The following PRR14L variants were observed in gnomAD, a reference collection of about 807,000 sequenced individuals.
PRR14L encodes protein PRR14L.
Under a neutral mutation model 155.0 loss-of-function variants are expected in PRR14L, and 80 were observed. That is an observed-to-expected ratio of 0.52 (90% CI 0.43 to 0.62). PRR14L has a LOEUF of 0.62. PRR14L is among the 20% of genes least tolerant of loss of function. The pLI, the probability that PRR14L is intolerant of heterozygous loss-of-function variation, is 0.00. For synonymous variants in PRR14L, 883 were observed against 916.0 expected (o/e 0.96, Z 0.65); for missense variants, 2,469 against 2,548.0 (o/e 0.97, Z 0.67).
At chr22:31,690,205 C>T (rs1158632294) in intron 7 of PRR14L, among the ~76,000 whole-genome samples, 4 of 152,224 alleles carry the variant, frequency 2.6e-5, no homozygotes, top group Non-Finnish European at 5.9e-5. Context: ...GCATGAGCCA[C>T]CATGCCCAGC....
intron 2 of PRR14L, among the ~76,000 whole-genome samples, chr22:31,734,342 T>C (rs2074767136): frequency 6.6e-6 from 1 of 152,236 alleles, no homozygotes; most frequent in Admixed American, 6.5e-5. Flanking sequence ...GTATTACAGA[T>C]ATAGACCCTT....
In PRR14L at chr22:31,703,722, C is replaced by T; in HGVS notation, c.5829-1G>A. ...CAAGGCAGGGAATGGAGGCTCCAGCCTAGCACCATGAAGAGAAAGAAGATA... is the reference window on the plus strand; with the variant it reads ...CAAGGCAGGGAATGGAGGCTCCAGCTTAGCACCATGAAGAGAAAGAAGATA... On this transcript the variant is annotated splice_acceptor_variant, in intron 5 of 8. Coordinates refer to ENST00000327423, the MANE Select transcript of PRR14L (RefSeq NM_173566.3). LOFTEE classifies it high-confidence loss of function. 1 of 1,539,410 alleles carries T rather than the reference C, an allele frequency of 6.5e-7. No individual in the cohort carries two copies. The highest frequency in any genetic ancestry group is 8.8e-7 in the Non-Finnish European group (1 of 1,140,752).
At position 31,716,000 on chromosome 22, in the gene PRR14L, T is replaced by C. The variant is rs2074656945; in HGVS notation, c.1839A>G (p.Ile613Met). ...FDYRPESEKVIQTSHDDIPLL... is the reference protein window; with the variant it reads ...FDYRPESEKVMQTSHDDIPLL... ...GTGGAATATCATCATGTGAGGTCTG[T>C]ATAACTTTTTCTGACTCAGGTCTGT... Residue 613 changes from isoleucine to methionine, a missense_variant, in exon 4 of 9, where the codon ATA (isoleucine) becomes ATG (methionine). Coordinates refer to ENST00000327423, the MANE Select transcript of PRR14L (RefSeq NM_173566.3). 1 of 1,551,020 alleles carries C rather than the reference T, an allele frequency of 6.4e-7. No individual in the cohort carries two copies. Among genetic ancestry groups the C allele is most frequent in the Non-Finnish European group, 8.7e-7 (1 of 1,146,924 alleles).
At chr22:31,709,320 T>C (rs1167718498) in intron 4 of PRR14L, among the ~76,000 whole-genome samples, 1 of 151,538 alleles carries the variant, frequency 6.6e-6, no homozygotes, top group African/African-American at 2.4e-5. Context: ...TGGCACGATC[T>C]TGGCTCACTG....
intron 1 of PRR14L, among the ~76,000 whole-genome samples, chr22:31,748,137 C>T (rs2074850521): frequency 6.6e-6 from 1 of 152,124 alleles, no homozygotes. Flanking sequence ...AATGACCAGG[C>T]CCTCAGAAGC....
chr22:31,733,372 T>C (rs1252733307), intron 2 of PRR14L, among the ~76,000 whole-genome samples: 1 of 62,768 alleles, frequency 1.6e-5, no homozygotes, highest in Non-Finnish European at 3.2e-5. Flanking sequence ...TGGTGCCATC[T>C]TGGCTCACTG....
At chr22:31,737,817 A>G (rs2147875768) in intron 2 of PRR14L, among the ~76,000 whole-genome samples, 1 of 152,184 alleles carries the variant, frequency 6.6e-6, no homozygotes, top group South Asian at 2.1e-4. Flanking sequence ...GTTCGAGACC[A>G]GCCTGGCCAA....
At chr22:31,727,151 C>T (rs1218197075) in intron 2 of PRR14L, among the ~76,000 whole-genome samples, 3 of 152,098 alleles carry the variant, frequency 2.0e-5, no homozygotes, top group Admixed American at 6.6e-5. Flanking sequence ...TAAGGTGCCG[C>T]TAGCTGGAGG....
At chr22:31,710,016 C>T (rs776285959) in intron 4 of PRR14L, among the ~76,000 whole-genome samples, 5 of 152,144 alleles carry the variant, frequency 3.3e-5, no homozygotes, top group Admixed American at 6.5e-5. Context: ...TCCTGGCTCA[C>T]TGCAACCTCT....
At chr22:31,740,346 A>G (rs1209841577) in intron 1 of PRR14L, among the ~76,000 whole-genome samples, 1 of 152,162 alleles carries the variant, frequency 6.6e-6, no homozygotes, top group Non-Finnish European at 1.5e-5. Flanking sequence ...CTGCCTCCAG[A>G]GTAGCTGGGA....
Position 31,701,655 on chromosome 22 carries a change from C to T in PRR14L, c.6107+1G>A. On this transcript the variant is annotated splice_donor_variant, in intron 7 of 8. Coordinates refer to ENST00000327423, the MANE Select transcript of PRR14L (RefSeq NM_173566.3). LOFTEE classifies it high-confidence loss of function. ...TAGCTTGTAACAGAGAAGGAGCTCA[C>T]CTTTTGGGTCGAGGAAGGCCCATGG... The T allele has an allele frequency of 6.3e-7, 1 of 1,596,728 alleles. No homozygotes were observed. Among genetic ancestry groups the T allele is most frequent in the Non-Finnish European group, 8.5e-7 (1 of 1,171,242 alleles).
rs2074492727 is a variant in PRR14L, at chr22:31,688,283, G to C, written c.6108-56C>G. On this transcript the variant is annotated intron_variant, in intron 7 of 8. Coordinates refer to ENST00000327423, the MANE Select transcript of PRR14L (RefSeq NM_173566.3). Reference sequence around the variant, plus strand: ...GGTTCTCTCTCTCTTTTTTTTTTCAGAGAAGGTCTTGCTCTGTTGCCCAGG... The same window carrying C: ...GGTTCTCTCTCTCTTTTTTTTTTCACAGAAGGTCTTGCTCTGTTGCCCAGG... 2.0e-6 allele frequency: 3 copies of C among 1,486,604 alleles called. No homozygotes were observed. In the South Asian group the frequency reaches 3.8e-5, roughly 19 times the overall value. 92.1% of individuals were successfully genotyped at this position (1,486,604 alleles called of 1,614,324 possible).
chr22:31,735,533 C>T (rs2074775192), intron 2 of PRR14L, among the ~76,000 whole-genome samples: 1 of 150,274 alleles, frequency 6.7e-6, no homozygotes, highest in Non-Finnish European at 1.5e-5. Flanking sequence ...TATATAAACA[C>T]ATATATACAT....
At chr22:31,736,691 T>C (rs918416446) in intron 2 of PRR14L, among the ~76,000 whole-genome samples, 12 of 152,122 alleles carry the variant, frequency 7.9e-5, no homozygotes, top group African/African-American at 2.9e-4. Flanking sequence ...CATTCATTTA[T>C]GTATTGCCTC....
rs1470074629 is a variant in PRR14L, at chr22:31,715,993, A to C, written c.1846T>G (p.Ser616Ala). ...RPESEKVIQT[S>A]HDDIPLLDEQ... ...TCTAAAAGTGGAATATCATCATGTGAGGTCTGTATAACTTTTTCTGACTCA... is the reference window on the plus strand; with the variant it reads ...TCTAAAAGTGGAATATCATCATGTGCGGTCTGTATAACTTTTTCTGACTCA... The change falls in exon 4 of 9, where the codon TCA (serine) becomes GCA (alanine). Residue 616 changes from serine (S) to alanine (A), a missense_variant. This residue lies in a region of PRR14L where 2,363 missense variants were observed against 2,371.6 expected (regional missense o/e 1.00). Transcript: ENST00000327423. The C allele has an allele frequency of 1.9e-6, 3 of 1,551,016 alleles. No homozygotes were observed. The East Asian group carries it at 7.3e-5, about 38-fold the overall frequency.
intron 1 of PRR14L, among the ~76,000 whole-genome samples, chr22:31,739,198 C>T (rs949129601): frequency 6.6e-6 from 1 of 152,180 alleles, no homozygotes; most frequent in South Asian, 2.1e-4. Context: ...GAGAATAAGA[C>T]ATGCCTAAAG....
Position 31,715,068 on chromosome 22 carries a change from T to C in PRR14L, c.2771A>G (p.His924Arg), listed in dbSNP as rs1326892083. The C allele has an allele frequency of 1.9e-6, 3 of 1,551,766 alleles. No individual in the cohort carries two copies. The highest frequency in any genetic ancestry group is 2.6e-6 in the Non-Finnish European group (3 of 1,146,884). Residue 924 changes from histidine to arginine, a missense_variant, in exon 4 of 9, where the codon CAT becomes CGT. This residue lies in a region of PRR14L where 2,363 missense variants were observed against 2,371.6 expected (regional missense o/e 1.00). Transcript: ENST00000327423. ...TVFCKYNISD[H>R]AIQELNQTVN... ...AGTCTGGTTTAGTTCTTGTATAGCA[T>C]GATCAGAGATGTTATACTTACAAAA...
chr22:31,749,149 A>G (rs774137919), intron 1 of PRR14L, among the ~76,000 whole-genome samples: 1 of 152,250 alleles, frequency 6.6e-6, no homozygotes, highest in Non-Finnish European at 1.5e-5. Context: ...TGACAATTCT[A>G]AGAAAACAGA....
At position 31,716,700 on chromosome 22, in the gene PRR14L, G is replaced by C; in HGVS notation, c.1139C>G (p.Ser380Cys). 1.3e-6 allele frequency: 2 copies of C among 1,551,682 alleles called. No individual in the cohort carries two copies. Among genetic ancestry groups the C allele is most frequent in the Non-Finnish European group, 1.7e-6 (2 of 1,147,008 alleles). Residue 380 changes from serine to cysteine, a missense_variant, in exon 4 of 9, where the codon TCT (serine) becomes TGT (cysteine). Coordinates refer to ENST00000327423, the MANE Select transcript of PRR14L (RefSeq NM_173566.3). The stretch of plus-strand genomic sequence containing the variant: ...TTGATCATCCCCCCTATAAAAATAA[G>C]AACTGTCTGTCTTTTCAGCAGATCT... The part of the protein sequence containing the change: ...LKRSAEKTDS[S>C]YFYRGDDQGK...
Sources: allele counts gnomAD v4.1 joint callset (sites outside exome capture counted in the v4.1 genomes callset), GRCh38; gene constraint gnomAD v4.1.1; regional missense constraint gnomAD v4.1.1; transcripts MANE v1.5; gene names NCBI Gene and HGNC (gene_info 2026-07-23, HGNC 2026-07-21).